TULP4: variants seen among roughly 807,000 people sequenced by gnomAD.
TULP4 encodes the protein TUB like protein 4, also known as tubby-related protein 4.
A neutral mutation model predicts 129.0 loss-of-function variants in TULP4; 16 were observed. The observed-to-expected ratio is 0.12, with a 90% confidence interval of 0.08 to 0.19. TULP4 has a LOEUF of 0.19. Ranked by LOEUF, TULP4 falls within the 10% of genes least tolerant of loss-of-function variation. TULP4 has a pLI of 1.00. For synonymous variants in TULP4, 998 were observed against 854.0 expected (o/e 1.17, Z -2.94); for missense variants, 1,842 against 2,059.1 (o/e 0.89, Z 2.04).
intron 1 of TULP4, among the ~76,000 whole-genome samples, chr6:158,247,171 GT>G: frequency 6.6e-6 from 1 of 152,026 alleles, no homozygotes; most frequent in African/African-American, 2.4e-5. Context: ...TATTTCTACT[GT>G]TTCTTCCTTT....
At chr6:158,435,728 C>G (rs1325645480) in intron 3 of TULP4, among the ~76,000 whole-genome samples, 1 of 152,154 alleles carries the variant, frequency 6.6e-6, no homozygotes, top group East Asian at 1.9e-4. Flanking sequence ...CACCACCATG[C>G]TTGCAGAGCA....
At chr6:158,441,261 C>G (rs796368589) in intron 3 of TULP4, among the ~76,000 whole-genome samples, 2 of 151,510 alleles carry the variant, frequency 1.3e-5, no homozygotes, top group African/African-American at 4.8e-5. Flanking sequence ...TACAGTGAGC[C>G]GAGATCACAC....
At chr6:158,481,503 G>A (rs1363279575) in intron 8 of TULP4, 2 of 602,972 alleles carry the variant, frequency 3.3e-6, no homozygotes, top group Admixed American at 2.8e-5. Flanking sequence ...CATATTCCAT[G>A]GGCAGTGGAT....
At chr6:158,407,130 A>G (rs1777991476) in intron 1 of TULP4, among the ~76,000 whole-genome samples, 1 of 152,260 alleles carries the variant, frequency 6.6e-6, no homozygotes, top group African/African-American at 2.4e-5. Flanking sequence ...AGTAAAATCT[A>G]AAGTTTTCTT....
At chr6:158,308,803 A>C (rs1325569369), upstream of TULP4, among the ~76,000 whole-genome samples, 2 of 119,602 alleles carry the variant, frequency 1.7e-5, no homozygotes, top group African/African-American at 6.5e-5. Flanking sequence ...GGCCGGGCAG[A>C]GGGGCTCCTC....
chr6:158,285,778 T>A (rs1014631340), intron 1 of TULP4, among the ~76,000 whole-genome samples: 18 of 152,326 alleles, frequency 1.2e-4, no homozygotes, highest in African/African-American at 4.3e-4. Flanking sequence ...GTGCTCTCTG[T>A]GTCTTCCCTG....
At chr6:158,366,120 G>A (rs1200180638) in intron 1 of TULP4, among the ~76,000 whole-genome samples, 3 of 151,440 alleles carry the variant, frequency 2.0e-5, no homozygotes, top group Non-Finnish European at 4.4e-5. Flanking sequence ...AGCCAGGATG[G>A]TCTCGATCTC....
At chr6:158,362,646 G>A (rs1780822015) in intron 1 of TULP4, among the ~76,000 whole-genome samples, 1 of 152,126 alleles carries the variant, frequency 6.6e-6, no homozygotes, top group Non-Finnish European at 1.5e-5. Context: ...CATGGTGCCC[G>A]GCCAGAGGGA....
intron 1 of TULP4, among the ~76,000 whole-genome samples, chr6:158,374,219 C>G (rs1777133199): frequency 6.6e-6 from 1 of 150,788 alleles, no homozygotes; most frequent in Non-Finnish European, 1.5e-5. Flanking sequence ...GCCAGGAGTT[C>G]AAGCCTGCAG....
intron 1 of TULP4, among the ~76,000 whole-genome samples, chr6:158,320,477 G>T (rs538109136): frequency 1.7e-3 from 250 of 150,660 alleles, no homozygotes; most frequent in African/African-American, 5.7e-3. Context: ...TGTTGCCCAG[G>T]CTGGAGTGCA....
At chr6:158,492,577 G>A (rs1337753415) in intron 9 of TULP4, among the ~76,000 whole-genome samples, 1 of 151,904 alleles carries the variant, frequency 6.6e-6, no homozygotes, top group Non-Finnish European at 1.5e-5. Context: ...ACCTTTAAAC[G>A]TCCTCTTCAG....
chr6:158,476,872 C>T (rs985731225), intron 6 of TULP4, among the ~76,000 whole-genome samples: 2 of 152,070 alleles, frequency 1.3e-5, no homozygotes, highest in Non-Finnish European at 2.9e-5. Flanking sequence ...AGAGTCAGCA[C>T]CATGTAGTAA....
At chr6:158,324,070 G>T (rs1052611949) in intron 1 of TULP4, among the ~76,000 whole-genome samples, 11 of 152,122 alleles carry the variant, frequency 7.2e-5, no homozygotes, top group African/African-American at 2.7e-4. Flanking sequence ...AACTTACCTA[G>T]TTTTTTACCC....
intron 6 of TULP4, among the ~76,000 whole-genome samples, chr6:158,463,379 G>T (rs1373092273): frequency 1.3e-5 from 2 of 152,040 alleles, no homozygotes; most frequent in Non-Finnish European, 2.9e-5. Flanking sequence ...TATAGTGGAG[G>T]ATGAATTATC....
intron 6 of TULP4, among the ~76,000 whole-genome samples, chr6:158,463,144 T>A (rs1297511141): frequency 2.6e-5 from 4 of 152,202 alleles, no homozygotes; most frequent in Non-Finnish European, 5.9e-5. Context: ...TGGTGGCTTA[T>A]TCTAGTCTCC....
chr6:158,326,273 A>G (rs6455575), intron 1 of TULP4, among the ~76,000 whole-genome samples: 132,023 of 152,196 alleles, frequency 0.87, 57,586 homozygotes, highest in South Asian at 0.93. Flanking sequence ...TCTTCAGCAT[A>G]ATTTCATACA....
In TULP4 at chr6:158,481,185, A is replaced by C; in HGVS notation, c.1382A>C (p.Tyr461Ser). The C allele has an allele frequency of 6.2e-7, 1 of 1,614,206 alleles. No homozygotes were observed. The highest frequency in any genetic ancestry group is 8.5e-7 in the Non-Finnish European group (1 of 1,180,034). ...PEVGGPCYTL[Y>S]LEYLGGLVPI... ...GTGGGCGGCCCGTGCTACACGCTCTACCTGGAGTACCTGGGCGGGCTTGTG... is the reference window on the plus strand; with the variant it reads ...GTGGGCGGCCCGTGCTACACGCTCTCCCTGGAGTACCTGGGCGGGCTTGTG... Residue 461 changes from tyrosine (Y) to serine (S), a missense_variant, in exon 8 of 14, where the codon TAC becomes TCC. This residue lies in a region of TULP4 where 456 missense variants were observed against 534.3 expected (regional missense o/e 0.85). Transcript: ENST00000367097.
chr6:158,494,990 A>C, intron 11 of TULP4, 144 bp downstream of exon 11: 1 of 611,142 alleles, frequency 1.6e-6, no homozygotes. Context: ...CCTTAACTTC[A>C]CCACAGTGAT....
At chr6:158,380,555 CT>C (rs1431595421) in intron 1 of TULP4, among the ~76,000 whole-genome samples, 1 of 151,226 alleles carries the variant, frequency 6.6e-6, no homozygotes. Context: ...ACACAGATGA[CT>C]TTCTATTTAA....
Sources: allele counts gnomAD v4.1 joint callset (sites outside exome capture counted in the v4.1 genomes callset), GRCh38; gene constraint gnomAD v4.1.1; regional missense constraint gnomAD v4.1.1; transcripts MANE v1.5; gene names NCBI Gene and HGNC (gene_info 2026-07-23, HGNC 2026-07-21).